The following PEX5 variants were observed in gnomAD, a reference collection of about 807,000 sequenced individuals.
PEX5 encodes PTS1 receptor.
PEX5 carries 52 observed loss-of-function variants against 82.9 expected under a neutral mutation model. The ratio of observed to expected loss-of-function variants is 0.63; its 90% CI spans 0.50 to 0.79. The LOEUF (loss-of-function observed/expected upper bound fraction) is 0.79. Ranked by LOEUF, PEX5 falls within the 30% of genes least tolerant of loss-of-function variation. PEX5 has a pLI of 0.00. For synonymous variants in PEX5, 300 were observed against 318.8 expected (o/e 0.94, Z 0.63); for missense variants, 719 against 815.2 (o/e 0.88, Z 1.44).
intron 17 of PEX5, among the ~76,000 whole-genome samples, chr12:7,218,249 A>G (rs1230295406): frequency 2.6e-5 from 4 of 152,202 alleles, no homozygotes; most frequent in Non-Finnish European, 5.9e-5. Context: ...TTCTTATATC[A>G]ACTAAAGTAG....
downstream of PEX5, among the ~76,000 whole-genome samples, chr12:7,213,079 A>T (rs1165601578): frequency 6.6e-6 from 1 of 152,078 alleles, no homozygotes; most frequent in Non-Finnish European, 1.5e-5. Context: ...ATAAAAGAGG[A>T]TACAAACAAA....
chr12:7,215,101 T>C (rs1282970452), downstream of PEX5, among the ~76,000 whole-genome samples: 1 of 152,144 alleles, frequency 6.6e-6, no homozygotes, highest in Non-Finnish European at 1.5e-5. Context: ...ACAAAGGACA[T>C]GAACAGACAC....
At chr12:7,214,728 AAAAAAAG>A (rs1273429450), downstream of PEX5, among the ~76,000 whole-genome samples, 1 of 135,912 alleles carries the variant, frequency 7.4e-6, no homozygotes, top group African/African-American at 2.8e-5. Flanking sequence ...ATAATAAAAT[AAAAAAAG>A]AATTATTCTC....
Position 7,209,057 on chromosome 12 carries a change from C to T in PEX5, c.1447C>T (p.Pro483Ser), listed in dbSNP as rs747642869. Residue 483 changes from proline (P) to serine (S), a missense_variant, in exon 14 of 16, where the codon CCT becomes TCT. Transcript: ENST00000675855. The stretch of plus-strand genomic sequence containing the variant: ...CTTCCTGGCAGCTGTGCGGCTGGAC[C>T]CTACCTCCATTGACCCTGATGTGCA... ...ELFLAAVRLD[P>S]TSIDPDVQCG... 6 of 1,614,078 alleles carry T rather than the reference C, an allele frequency of 3.7e-6. No individual in the cohort carries two copies. Among genetic ancestry groups the T allele is most frequent in the Non-Finnish European group, 5.1e-6 (6 of 1,179,982 alleles).
chr12:7,208,144 C>A, intron 12 of PEX5, 64 bp downstream of exon 12: 1 of 1,189,644 alleles, frequency 8.4e-7, no homozygotes, highest in Non-Finnish European at 1.3e-6. Context: ...TTTTGAATGA[C>A]AGAAGCCCAG....
chr12:7,218,118 A>G (rs1387381670), intron 17 of PEX5, among the ~76,000 whole-genome samples: 2 of 152,156 alleles, frequency 1.3e-5, no homozygotes, highest in Non-Finnish European at 2.9e-5. Flanking sequence ...AGAAGAAATG[A>G]CACACTGCAA....
intron 14 of PEX5, among the ~76,000 whole-genome samples, chr12:7,209,388 G>A (rs1332947397): frequency 6.6e-6 from 1 of 152,118 alleles, no homozygotes; most frequent in East Asian, 1.9e-4. Context: ...TCAGACTTTT[G>A]GAGTCTTGGG....
Position 7,190,505 on chromosome 12 carries a change from G to T in PEX5, c.128G>T (p.Gly43Val), listed in dbSNP as rs1940837501. 6.2e-7 allele frequency: 1 copy of T among 1,612,638 alleles called. No individual in the cohort carries two copies. The change falls in exon 2 of 16, where the codon GGA becomes GTA. Residue 43 changes from glycine to valine, a missense_variant. Coordinates refer to ENST00000675855, the MANE Select transcript of PEX5 (RefSeq NM_001351132.2). ...TTGAGGCCTGGCCCCTGGCCCCCCGGAGCCCCGGCCTCTGAGGCAGTGAGT... is the reference window on the plus strand; with the variant it reads ...TTGAGGCCTGGCCCCTGGCCCCCCGTAGCCCCGGCCTCTGAGGCAGTGAGT... ...EGLRPGPWPP[G>V]APASEAASKP...
chr12:7,201,649 G>A, intron 6 of PEX5, 102 bp from the exon 7 acceptor site: 1 of 853,916 alleles, frequency 1.2e-6, no homozygotes, highest in Non-Finnish European at 2.0e-6. Context: ...GGAGAATGGA[G>A]TTCCCTCACA....
rs567520199 is a variant in PEX5, at chr12:7,210,470, C to G, written c.*247C>G. The G allele has an allele frequency of 4.4e-5, 26 of 589,440 alleles. No individual in the cohort carries two copies. The highest frequency in any genetic ancestry group is 7.0e-5 in the Non-Finnish European group (23 of 328,160). 36.5% of individuals were successfully genotyped at this position (589,440 alleles called of 1,614,324 possible). ...GGGCTGTACATCCAGCTACAGATCT[C>G]TCTGCTCATCATGCCCTTTCTTGGT... is the stretch of plus-strand genomic sequence containing the variant. On this transcript the variant is annotated 3_prime_UTR_variant, in exon 16 of 16. Coordinates refer to ENST00000675855, the MANE Select transcript of PEX5 (RefSeq NM_001351132.2).
rs78011027 is a variant in PEX5, at chr12:7,198,309, G to A, written c.449-702G>A. ...GGGAGCCTGTGAGGGAACTGTAAAC[G>A]TTCTGTATCTTGATCCGGGTGGTGG... On this transcript the variant is annotated intron_variant, in intron 5 of 15. Transcript: ENST00000675855. Among the ~76,000 whole-genome samples, 226 of 152,250 alleles carry A rather than the reference G, an allele frequency of 1.5e-3. 5 individuals are homozygous for A. In the East Asian group the frequency reaches 0.036, roughly 24 times the overall value.
chr12:7,191,665 C>T lies in PEX5; in HGVS notation c.413C>T (p.Thr138Ile). Reference sequence around the variant, plus strand: ...GATGTAACTCAGGATTATAATGAGACTGACTGGTCCCAAGAATTCATCTCT... The same window carrying T: ...GATGTAACTCAGGATTATAATGAGATTGACTGGTCCCAAGAATTCATCTCT... The part of the protein sequence containing the change: ...AVDVTQDYNE[T>I]DWSQEFISEV... Residue 138 changes from threonine (T) to isoleucine (I), a missense_variant, in exon 5 of 16, where the codon ACT becomes ATT. Coordinates refer to ENST00000675855, the MANE Select transcript of PEX5 (RefSeq NM_001351132.2). The T allele has an allele frequency of 6.2e-7, 1 of 1,613,672 alleles. No homozygotes were observed. Among genetic ancestry groups the T allele is most frequent in the Non-Finnish European group, 8.5e-7 (1 of 1,179,572 alleles).
In PEX5 at chr12:7,191,278, C is replaced by T. The variant is rs1941059272; in HGVS notation, c.236C>T (p.Pro79Leu). 8 of 1,614,146 alleles carry T rather than the reference C, an allele frequency of 5.0e-6. No individual in the cohort carries two copies. The highest frequency in any genetic ancestry group is 6.8e-6 in the Non-Finnish European group (8 of 1,180,020). Residue 79 changes from proline to leucine, a missense_variant, in exon 4 of 16, where the codon CCT (proline) becomes CTT (leucine). Transcript: ENST00000675855. ...AATGCACCCCTTGTGTCCCGTGCCC[C>T]TCAGACCTTCAAGATGGATGACCTC... The part of the protein sequence containing the change: ...DQNAPLVSRA[P>L]QTFKMDDLLA...
chr12:7,218,410 A>T (rs762908904), exon 18 of PEX5: 12 of 152,356 alleles, frequency 7.9e-5, no homozygotes, highest in Admixed American at 7.8e-4. Context: ...AGAAATATAC[A>T]GCCTCTGCAG....
At position 7,209,822 on chromosome 12, in the gene PEX5, T is replaced by G; in HGVS notation, c.1700T>G (p.Ile567Ser). Residue 567 changes from isoleucine to serine, a missense_variant, in exon 15 of 16, where the codon ATC (isoleucine) becomes AGC (serine). Ile to Ser is a moderately radical substitution (Grantham distance 142). Transcript: ENST00000675855. ...CGCTATAACCTGGGCATCAGCTGCA[T>G]CAACCTCGGGGCTCACCGGTGAGAG... ...RSRYNLGISC[I>S]NLGAHREAVE... is the part of the protein sequence containing the mutation. The G allele has an allele frequency of 7.4e-6, 12 of 1,614,220 alleles. No individual in the cohort carries two copies. Among genetic ancestry groups the G allele is most frequent in the Non-Finnish European group, 1.0e-5 (12 of 1,180,046 alleles).
intron 10 of PEX5, among the ~76,000 whole-genome samples, chr12:7,204,768 C>A (rs1944555805): frequency 6.6e-6 from 1 of 152,008 alleles, no homozygotes; most frequent in Non-Finnish European, 1.5e-5. Flanking sequence ...GTATGAGCAG[C>A]ATTTTCTTTT....
intron 5 of PEX5, among the ~76,000 whole-genome samples, chr12:7,193,642 C>T (rs1187899839): frequency 1.3e-5 from 2 of 152,184 alleles, no homozygotes. Context: ...TAAGTGCTAT[C>T]TCTTATCACA....
chr12:7,209,432 C>A (rs1025705365), intron 14 of PEX5, among the ~76,000 whole-genome samples: 2 of 152,098 alleles, frequency 1.3e-5, no homozygotes, highest in Non-Finnish European at 2.9e-5. Flanking sequence ...TACTGACTGC[C>A]TTGGGAGGAC....
chr12:7,192,852 G>T (rs1017870056), intron 5 of PEX5, among the ~76,000 whole-genome samples: 2 of 152,158 alleles, frequency 1.3e-5, no homozygotes, highest in African/African-American at 2.4e-5. Flanking sequence ...CTTCTTACCC[G>T]AAGCCTATCT....
Sources: gnomAD v4.1 joint callset for allele counts (sites outside exome capture counted in the v4.1 genomes callset) on GRCh38, gnomAD v4.1.1 for gene constraint, MANE v1.5 for transcripts, NCBI Gene and HGNC (gene_info 2026-07-23, HGNC 2026-07-21) for gene names.